Variants in SEL1L2 observed in about 807,000 individuals in gnomAD.
SEL1L2 encodes the protein protein sel-1 homolog 2.
SEL1L2 carries 89 observed loss-of-function variants against 98.8 expected under a neutral mutation model. The ratio of observed to expected loss-of-function variants is 0.90; its 90% CI spans 0.76 to 1.07. The LOEUF (loss-of-function observed/expected upper bound fraction) is 1.07, where lower values mean the gene tolerates loss of function less well. Ranked by LOEUF, SEL1L2 falls within the 50% of genes least tolerant of loss-of-function variation. The probability of loss-of-function intolerance (pLI) is 0.00; values close to 1 mark genes in which losing one functional copy is unlikely to be tolerated. For missense variants in SEL1L2, 788 were observed against 812.0 expected (o/e 0.97, Z 0.36); for synonymous variants, 262 against 278.5 (o/e 0.94, Z 0.59).
At chr20:13,966,556 G>A (rs915376017) in intron 1 of SEL1L2, among the ~76,000 whole-genome samples, 1 of 152,126 alleles carries the variant, frequency 6.6e-6, no homozygotes, top group Non-Finnish European at 1.5e-5. Flanking sequence ...CTGACCTCAG[G>A]CAATCCACCC....
chr20:13,986,639 T>C (rs1204919279), intron 1 of SEL1L2, among the ~76,000 whole-genome samples: 2 of 152,226 alleles, frequency 1.3e-5, no homozygotes, highest in Admixed American at 1.3e-4. Context: ...CCACAATTTG[T>C]TTATTTACTC....
At chr20:13,898,487 A>G in intron 5 of SEL1L2, among the ~76,000 whole-genome samples, 1 of 152,184 alleles carries the variant, frequency 6.6e-6, no homozygotes, top group Non-Finnish European at 1.5e-5. Context: ...GGTATCTGAG[A>G]TACCTTCTAC....
chr20:13,924,285 T>TTTG (rs1360150136), intron 3 of SEL1L2, among the ~76,000 whole-genome samples: 2 of 136,210 alleles, frequency 1.5e-5, no homozygotes, highest in Non-Finnish European at 3.3e-5. Context: ...TTTTTTTGTT[T>TTTG]TTCTTTTTTT....
At chr20:13,851,604 T>C (rs1204094248) in intron 18 of SEL1L2, among the ~76,000 whole-genome samples, 1 of 152,092 alleles carries the variant, frequency 6.6e-6, no homozygotes, top group Non-Finnish European at 1.5e-5. Flanking sequence ...CCTTGTTTTA[T>C]GTGTTGCTTT....
intron 2 of SEL1L2, among the ~76,000 whole-genome samples, chr20:13,940,968 T>C (rs1004298268): frequency 7.9e-5 from 12 of 152,178 alleles, no homozygotes; most frequent in Admixed American, 7.2e-4. Flanking sequence ...CGAAGGATGA[T>C]GTGACTCAGC....
chr20:13,871,407 C>A (rs1269290242), intron 12 of SEL1L2, among the ~76,000 whole-genome samples: 1 of 152,048 alleles, frequency 6.6e-6, no homozygotes, highest in Non-Finnish European at 1.5e-5. Flanking sequence ...AAGAGTGAAC[C>A]TTGAAAGTGA....
chr20:13,983,773 G>C (rs1394841260), intron 1 of SEL1L2, among the ~76,000 whole-genome samples: 1 of 151,984 alleles, frequency 6.6e-6, no homozygotes, highest in South Asian at 2.1e-4. Context: ...TGCCCGCCTG[G>C]ACCTCCCAAA....
At chr20:13,987,256 G>A (rs1490810532) in intron 1 of SEL1L2, among the ~76,000 whole-genome samples, 1 of 151,048 alleles carries the variant, frequency 6.6e-6, no homozygotes, top group African/African-American at 2.4e-5. Context: ...ATTCCAACCA[G>A]CAATGTGTGA....
At chr20:13,943,685 A>G (rs770130071) in intron 2 of SEL1L2, among the ~76,000 whole-genome samples, 9 of 152,206 alleles carry the variant, frequency 5.9e-5, no homozygotes, top group African/African-American at 9.6e-5. Context: ...TAAAGAGTTC[A>G]GTTTCCTTTG....
chr20:13,958,133 A>T (rs746797806), intron 1 of SEL1L2, among the ~76,000 whole-genome samples: 3 of 152,216 alleles, frequency 2.0e-5, no homozygotes, highest in Non-Finnish European at 4.4e-5. Context: ...CTTTAAGTCA[A>T]ACAGGCCTAT....
rs779584914 is a variant in SEL1L2 at position 13,939,035 on chromosome 20, G to GTTTTTTTTTTTTTTT, written c.115-7265_115-7264insAAAAAAAAAAAAAAA. ...TTTTTTCTTTTTGGTTTGTTTGCTTGTTTTGTTTTTTTTTTTTTTTTTTTC... is the reference window on the plus strand; with the variant it reads ...TTTTTTCTTTTTGGTTTGTTTGCTTGTTTTTTTTTTTTTTTTTTTGTTTTTTTTTTTTTTTTTTTC... On this transcript the variant is annotated intron_variant, in intron 2 of 19. Transcript: ENST00000284951. Among the ~76,000 whole-genome samples the GTTTTTTTTTTTTTTT allele has an allele frequency of 6.2e-3, 193 of 31,366 alleles. 14 individuals carry two copies. Among genetic ancestry groups the GTTTTTTTTTTTTTTT allele is most frequent in the African/African-American group, 0.014 (127 of 9,270 alleles). The allele number at this position is 31,366 out of a possible 152,430, so 20.6% of individuals were successfully genotyped here.
intron 17 of SEL1L2, among the ~76,000 whole-genome samples, chr20:13,860,422 A>G (rs1330288412): frequency 6.6e-6 from 1 of 152,052 alleles, no homozygotes; most frequent in Admixed American, 6.6e-5. Context: ...ATGCAGCCAA[A>G]TCCATTGCCA....
At chr20:13,931,814 T>G in intron 2 of SEL1L2, 43 bp from the exon 3 acceptor site, 1 of 1,414,878 alleles carries the variant, frequency 7.1e-7, no homozygotes. Flanking sequence ...CATGTGTGAG[T>G]TTTTTTCAAA....
intron 1 of SEL1L2, among the ~76,000 whole-genome samples, chr20:13,970,400 T>C (rs1247324897): frequency 6.6e-6 from 1 of 152,208 alleles, no homozygotes; most frequent in Admixed American, 6.5e-5. Context: ...GTATAAGGGT[T>C]TGTTAGGGTG....
chr20:13,855,272 C>T (rs563170866), intron 18 of SEL1L2, among the ~76,000 whole-genome samples: 42 of 152,250 alleles, frequency 2.8e-4, no homozygotes, highest in African/African-American at 9.6e-4. Context: ...TGCTATATCA[C>T]ACCACTATTA....
At position 13,850,192 on chromosome 20, in the gene SEL1L2, T is replaced by C. The variant is rs771368420; in HGVS notation, c.1946A>G (p.Asn649Ser). ...THLLRDILFF[N>S]FTTRWNWLKL... ...AGGACCTGTTCAAGACAAACTTACA[T>C]TAAAAAACAGGATATCCCGGAGCAA... is the stretch of plus-strand genomic sequence containing the variant. The change falls in exon 19 of 20, where the codon AAT becomes AGT. Residue 649 changes from asparagine (N) to serine (S), a missense_variant and splice_region_variant. Transcript: ENST00000284951. The C allele has an allele frequency of 2.5e-6, 4 of 1,613,786 alleles. No individual in the cohort carries two copies. The highest frequency in any genetic ancestry group is 4.5e-5 in the East Asian group (2 of 44,846).
chr20:13,891,971 AT>A (rs1310090330), intron 5 of SEL1L2, among the ~76,000 whole-genome samples: 1 of 152,230 alleles, frequency 6.6e-6, no homozygotes, highest in African/African-American at 2.4e-5. Flanking sequence ...GCATAAATCA[AT>A]TCTGGTATAC....
chr20:13,974,642 C>G (rs184491741), intron 1 of SEL1L2, among the ~76,000 whole-genome samples: 2 of 151,828 alleles, frequency 1.3e-5, no homozygotes, highest in African/African-American at 4.8e-5. Context: ...CCATGCCTGA[C>G]TAATTTTTGT....
At chr20:13,926,093 C>T (rs543580271) in intron 3 of SEL1L2, among the ~76,000 whole-genome samples, 3 of 152,244 alleles carry the variant, frequency 2.0e-5, no homozygotes, top group African/African-American at 4.8e-5. Flanking sequence ...ACAAGGCGGG[C>T]GAATCACGAG....
Sources: allele counts gnomAD v4.1 joint callset (sites outside exome capture counted in the v4.1 genomes callset), GRCh38; gene constraint gnomAD v4.1.1; transcripts MANE v1.5; gene names NCBI Gene and HGNC (gene_info 2026-07-23, HGNC 2026-07-21).